The following SNTG1 variants were observed in gnomAD, a reference collection of about 807,000 sequenced individuals.
SNTG1 encodes the protein gamma-1-syntrophin.
A neutral mutation model predicts 74.7 loss-of-function variants in SNTG1; 39 were observed. The ratio of observed to expected loss-of-function variants is 0.52; its 90% CI spans 0.40 to 0.68. SNTG1 has a LOEUF of 0.68. Among genes scored for constraint, SNTG1 ranks in the 30% least tolerant of loss-of-function variants. The probability of loss-of-function intolerance (pLI) is 0.00; values close to 1 mark genes in which losing one functional copy is unlikely to be tolerated. For missense variants in SNTG1, 685 were observed against 609.5 expected (o/e 1.12, Z -1.30); for synonymous variants, 254 against 217.1 (o/e 1.17, Z -1.49).
chr8:50,232,794 C>T (rs1007579286), intron 2 of SNTG1, among the ~76,000 whole-genome samples: 1 of 151,492 alleles, frequency 6.6e-6, no homozygotes, highest in Non-Finnish European at 1.5e-5. Flanking sequence ...ACTAGCAATA[C>T]ATTGAAACTA....
chr8:50,120,609 T>G (rs2080965338), intron 1 of SNTG1, among the ~76,000 whole-genome samples: 1 of 141,412 alleles, frequency 7.1e-6, no homozygotes, highest in South Asian at 2.6e-4. Context: ...TCATTATTAC[T>G]GCCATCTTTA....
At chr8:50,699,859 C>T (rs2095417606) in intron 15 of SNTG1, among the ~76,000 whole-genome samples, 1 of 139,768 alleles carries the variant, frequency 7.2e-6, no homozygotes, top group African/African-American at 2.9e-5. Context: ...ACAAAAATTT[C>T]CAACATTAAG....
chr8:50,485,617 G>T (rs1271404051), intron 8 of SNTG1, among the ~76,000 whole-genome samples: 4 of 149,158 alleles, frequency 2.7e-5, no homozygotes, highest in African/African-American at 9.9e-5. Context: ...CCATTTTGTA[G>T]GTTGCCTGTT....
At chr8:49,990,502 C>G (rs999281674) in intron 1 of SNTG1, among the ~76,000 whole-genome samples, 1 of 151,912 alleles carries the variant, frequency 6.6e-6, no homozygotes, top group Non-Finnish European at 1.5e-5. Flanking sequence ...TGTTAGAGGC[C>G]TCACAATTTC....
At chr8:50,195,552 A>G (rs896957885) in intron 2 of SNTG1, among the ~76,000 whole-genome samples, 3 of 152,058 alleles carry the variant, frequency 2.0e-5, no homozygotes, top group African/African-American at 4.8e-5. Flanking sequence ...CACCCTCCCA[A>G]TGGATCCCTG....
intron 2 of SNTG1, among the ~76,000 whole-genome samples, chr8:50,362,461 T>A (rs1381265900): frequency 2.6e-5 from 4 of 152,154 alleles, no homozygotes; most frequent in Non-Finnish European, 5.9e-5. Flanking sequence ...TTCTTTAATA[T>A]CTAAAGTTGA....
intron 1 of SNTG1, among the ~76,000 whole-genome samples, chr8:50,072,892 A>C (rs952477509): frequency 6.6e-6 from 1 of 152,248 alleles, no homozygotes; most frequent in Non-Finnish European, 1.5e-5. Flanking sequence ...AACAATGTAC[A>C]TAATTTAAAA....
intron 12 of SNTG1, among the ~76,000 whole-genome samples, chr8:50,578,887 A>T (rs1392096993): frequency 6.6e-6 from 1 of 152,170 alleles, no homozygotes; most frequent in African/African-American, 2.4e-5. Context: ...AGATGGACTA[A>T]TATAGTAAAT....
At chr8:49,962,973 A>G (rs1332125321) in intron 1 of SNTG1, among the ~76,000 whole-genome samples, 1 of 152,198 alleles carries the variant, frequency 6.6e-6, no homozygotes, top group Non-Finnish European at 1.5e-5. Context: ...GGGTACAGCC[A>G]GGGATCCACG....
At chr8:50,382,826 C>T (rs1042056167) in intron 2 of SNTG1, among the ~76,000 whole-genome samples, 1 of 152,140 alleles carries the variant, frequency 6.6e-6, no homozygotes, top group African/African-American at 2.4e-5. Context: ...AAGAAATTGG[C>T]TCATGCAATT....
At position 49,970,625 on chromosome 8, in the gene SNTG1, C is replaced by T. The variant is rs78019569; in HGVS notation, c.-103+58394C>T. Among the ~76,000 whole-genome samples, 1,213 of 152,264 alleles carry T rather than the reference C, an allele frequency of 8.0e-3. 26 individuals are homozygous for T. Among genetic ancestry groups the T allele is most frequent in the African/African-American group, 0.028 (1,147 of 41,544 alleles). On this transcript the variant is annotated intron_variant, in intron 1 of 18. Coordinates refer to ENST00000642720, the MANE Select transcript of SNTG1 (RefSeq NM_018967.5). ...TTATTTGTCCTCTATTCCATAAGAT[C>T]ACTGACCACGTAGAGGGTCAGAGAA...
At chr8:50,418,964 T>A (rs939358521) in intron 4 of SNTG1, among the ~76,000 whole-genome samples, 12 of 152,148 alleles carry the variant, frequency 7.9e-5, no homozygotes, top group African/African-American at 2.7e-4. Flanking sequence ...ACTGTTTTTC[T>A]CTATTATTTG....
chr8:50,498,679 C>T (rs1044575822), intron 8 of SNTG1, among the ~76,000 whole-genome samples: 23 of 151,888 alleles, frequency 1.5e-4, no homozygotes, highest in South Asian at 6.2e-4. Flanking sequence ...AATGCCACAA[C>T]GGTTTTCTCC....
chr8:50,603,588 T>C (rs1462657598), intron 13 of SNTG1, among the ~76,000 whole-genome samples: 1 of 152,152 alleles, frequency 6.6e-6, no homozygotes, highest in African/African-American at 2.4e-5. Context: ...TGTCAGCATC[T>C]GGGCATTGAA....
chr8:50,483,034 G>A (rs919044009), intron 8 of SNTG1, among the ~76,000 whole-genome samples: 13 of 152,214 alleles, frequency 8.5e-5, no homozygotes, highest in African/African-American at 3.1e-4. Flanking sequence ...ACTAGAAAGA[G>A]GTCTGAGATA....
chr8:50,757,048 T>C (rs2095582353), intron 18 of SNTG1, among the ~76,000 whole-genome samples: 1 of 151,714 alleles, frequency 6.6e-6, no homozygotes, highest in Non-Finnish European at 1.5e-5. Context: ...ATAATTTTAG[T>C]AGAAAATCTT....
chr8:50,704,380 A>T (rs1032351681), intron 15 of SNTG1, among the ~76,000 whole-genome samples: 2 of 152,134 alleles, frequency 1.3e-5, no homozygotes, highest in Non-Finnish European at 2.9e-5. Flanking sequence ...CAGAAACCCT[A>T]ACTTCTATTT....
chr8:50,481,255 C>T (rs746436804), intron 8 of SNTG1, among the ~76,000 whole-genome samples: 18 of 152,046 alleles, frequency 1.2e-4, no homozygotes, highest in Non-Finnish European at 2.5e-4. Flanking sequence ...GTGGTGGGCA[C>T]CTATAATCCC....
intron 15 of SNTG1, among the ~76,000 whole-genome samples, chr8:50,688,642 C>T (rs2095363597): frequency 6.6e-6 from 1 of 152,194 alleles, no homozygotes; most frequent in Admixed American, 6.5e-5. Flanking sequence ...CAGTACCATG[C>T]TGTTTTGGTT....
Sources: allele counts gnomAD v4.1 joint callset (sites outside exome capture counted in the v4.1 genomes callset), GRCh38; gene constraint gnomAD v4.1.1; transcripts MANE v1.5; gene names NCBI Gene and HGNC (gene_info 2026-07-23, HGNC 2026-07-21).